Variants in GRIK2 observed in about 807,000 individuals in gnomAD.
The protein encoded by GRIK2 is glutamate receptor ionotropic, kainate 2.
Under a neutral mutation model 100.3 loss-of-function variants are expected in GRIK2, and 32 were observed. The observed-to-expected ratio is 0.32, with a 90% CI of 0.24 to 0.43. The LOEUF is 0.43. Ranked by LOEUF, GRIK2 falls within the 20% of genes least tolerant of loss-of-function variation. GRIK2 has a pLI of 1.00. For synonymous variants in GRIK2, 417 were observed against 389.4 expected, an observed-to-expected ratio of 1.07 and a Z score of -0.83; for missense variants, 843 against 1,114.9, an observed-to-expected ratio of 0.76 and a Z score of 3.47.
chr6:101,934,677 G>A (rs1374236567), intron 14 of GRIK2, among the ~76,000 whole-genome samples: 1 of 151,848 alleles, frequency 6.6e-6, no homozygotes, highest in Non-Finnish European at 1.5e-5. Flanking sequence ...TCCTAATTTT[G>A]TAAATATAGG....
chr6:101,929,173 A>G lies in GRIK2; in HGVS notation c.2085+541A>G, dbSNP rs149796027. The stretch of plus-strand genomic sequence containing the variant: ...TCCCATTGAACTCACAGTGGTTTCC[A>G]GAGAGACAGCCCTGTGGAACATTTA... On this transcript the variant is annotated intron_variant, in intron 14 of 16. Transcript: ENST00000369134. Among the ~76,000 whole-genome samples the G allele has an allele frequency of 5.4e-3, 826 of 152,290 alleles. 6 individuals carry two copies. The highest frequency in any genetic ancestry group is 0.019 in the African/African-American group (778 of 41,570).
intron 1 of GRIK2, among the ~76,000 whole-genome samples, chr6:101,396,708 T>C (rs796737533): frequency 3.3e-5 from 5 of 152,320 alleles, no homozygotes; most frequent in African/African-American, 1.2e-4. Flanking sequence ...TGTGCTACTT[T>C]CAATGTACTA....
intron 14 of GRIK2, among the ~76,000 whole-genome samples, chr6:102,012,989 G>C (rs1301237522): frequency 6.6e-6 from 1 of 152,096 alleles, no homozygotes; most frequent in African/African-American, 2.4e-5. Flanking sequence ...TTAGTAGCTT[G>C]ATCAGAAGAG....
intron 4 of GRIK2, among the ~76,000 whole-genome samples, chr6:101,655,793 G>A (rs1292864216): frequency 6.6e-6 from 1 of 152,096 alleles, no homozygotes; most frequent in Non-Finnish European, 1.5e-5. Context: ...AATGTGCATG[G>A]GAAGGGGTGC....
At chr6:101,599,405 A>T (rs1163532373) in intron 2 of GRIK2, among the ~76,000 whole-genome samples, 1 of 151,648 alleles carries the variant, frequency 6.6e-6, no homozygotes, top group East Asian at 1.9e-4. Flanking sequence ...TCATGGTAGA[A>T]CTATGTCTTT....
intron 10 of GRIK2, among the ~76,000 whole-genome samples, chr6:101,821,294 A>T (rs1454439572): frequency 6.6e-6 from 1 of 152,136 alleles, no homozygotes; most frequent in Non-Finnish European, 1.5e-5. Flanking sequence ...TCTCTCTATG[A>T]AGAAGTGGTA....
chr6:102,039,255 C>CAACAATGATGT (rs377005989), intron 15 of GRIK2, among the ~76,000 whole-genome samples: 12 of 151,454 alleles, frequency 7.9e-5, no homozygotes, highest in African/African-American at 2.9e-4. Flanking sequence ...GTGGAGCAAT[C>CAACAATGATGT]AACAATGATG....
In GRIK2 at chr6:101,910,279, A is replaced by G. The variant is rs143089891; in HGVS notation, c.1749-14322A>G. On this transcript the variant is annotated intron_variant, in intron 12 of 16. Transcript: ENST00000369134. ...TCTGCAAGTTAAAATATTATAATTA[A>G]ACAGTCATTTTTATGACTATCTAGC... is the stretch of plus-strand genomic sequence containing the variant. Among the ~76,000 whole-genome samples the G allele has an allele frequency of 1.2e-4, 18 of 151,372 alleles. No homozygotes were observed. In the East Asian group the frequency reaches 3.5e-3, roughly 29 times the overall value.
chr6:101,486,744 G>A (rs1772855566), intron 2 of GRIK2, among the ~76,000 whole-genome samples: 1 of 117,090 alleles, frequency 8.5e-6, no homozygotes, highest in South Asian at 2.5e-4. Context: ...TTAGGCTTAG[G>A]TAATCAACTT....
At chr6:101,540,119 T>G (rs1775912372) in intron 2 of GRIK2, among the ~76,000 whole-genome samples, 1 of 151,838 alleles carries the variant, frequency 6.6e-6, no homozygotes, top group African/African-American at 2.4e-5. Context: ...TAGTTATTTT[T>G]CTCTGTGGTC....
chr6:101,906,501 G>A (rs1459556061), intron 12 of GRIK2, among the ~76,000 whole-genome samples: 1 of 151,506 alleles, frequency 6.6e-6, no homozygotes, highest in Non-Finnish European at 1.5e-5. Flanking sequence ...CAAACGTAAT[G>A]CATGTTCTGT....
chr6:101,399,716 C>A (rs1775179400), intron 2 of GRIK2, among the ~76,000 whole-genome samples: 1 of 152,192 alleles, frequency 6.6e-6, no homozygotes. Flanking sequence ...CGGCGCCCTG[C>A]GAGCTTGGAG....
At chr6:102,045,202 A>G (rs1157598163) in intron 15 of GRIK2, among the ~76,000 whole-genome samples, 2 of 152,060 alleles carry the variant, frequency 1.3e-5, no homozygotes, top group Non-Finnish European at 2.9e-5. Flanking sequence ...ACTACATAAA[A>G]TTTAGCAAGT....
At chr6:101,971,929 G>C (rs1484384018) in intron 14 of GRIK2, among the ~76,000 whole-genome samples, 4 of 151,922 alleles carry the variant, frequency 2.6e-5, no homozygotes, top group Admixed American at 2.6e-4. Flanking sequence ...ACATGATTTT[G>C]TTCTTTTTTT....
intron 2 of GRIK2, among the ~76,000 whole-genome samples, chr6:101,572,444 C>CT (rs1238268837): frequency 2.0e-5 from 3 of 152,022 alleles, no homozygotes; most frequent in African/African-American, 7.2e-5. Flanking sequence ...ATACAATATG[C>CT]TATAAGCATT....
chr6:102,032,489 G>T (rs1770052570), intron 14 of GRIK2, among the ~76,000 whole-genome samples: 1 of 150,896 alleles, frequency 6.6e-6, no homozygotes, highest in Non-Finnish European at 1.5e-5. Flanking sequence ...AAAAGCTGAG[G>T]GAAGGCTTCA....
intron 2 of GRIK2, among the ~76,000 whole-genome samples, chr6:101,501,402 T>G (rs1022763467): frequency 1.3e-5 from 2 of 152,258 alleles, no homozygotes; most frequent in African/African-American, 4.8e-5. Flanking sequence ...GAAATCATTA[T>G]AGTAAACATT....
chr6:101,447,379 C>T (rs1445351357), intron 2 of GRIK2, among the ~76,000 whole-genome samples: 1 of 151,450 alleles, frequency 6.6e-6, no homozygotes, highest in Non-Finnish European at 1.5e-5. Flanking sequence ...ACATATTTGC[C>T]CTTTGGATAA....
intron 10 of GRIK2, among the ~76,000 whole-genome samples, chr6:101,848,521 G>A (rs1016994934): frequency 1.3e-5 from 2 of 152,032 alleles, no homozygotes; most frequent in Non-Finnish European, 2.9e-5. Flanking sequence ...GTGGATGAAT[G>A]GATGAATGAA....
Sources: allele counts gnomAD v4.1 joint callset (sites outside exome capture counted in the v4.1 genomes callset), GRCh38; gene constraint gnomAD v4.1.1; transcripts MANE v1.5; gene names NCBI Gene and HGNC (gene_info 2026-07-23, HGNC 2026-07-21).